The following WDR33 variants were observed in gnomAD, a reference collection of about 807,000 sequenced individuals.
WDR33 encodes the protein WD repeat domain 33.
WDR33 carries 47 observed loss-of-function variants against 164.9 expected under a neutral mutation model. The observed-to-expected ratio is 0.29, with a 90% confidence interval of 0.23 to 0.36. The LOEUF is 0.36. Ranked by LOEUF, WDR33 falls within the 10% of genes least tolerant of loss-of-function variation. The pLI is 1.00. For missense variants in WDR33, 1,137 were observed against 1,754.1 expected (o/e 0.65, Z 6.28); for synonymous variants, 505 against 589.0 (o/e 0.86, Z 2.06).
chr2:127,807,533 T>C (rs1172256757), intron 1 of WDR33, among the ~76,000 whole-genome samples: 2 of 152,040 alleles, frequency 1.3e-5, no homozygotes, highest in East Asian at 3.8e-4. Flanking sequence ...CAGAAGGCAG[T>C]CACACAGACA....
At chr2:127,804,950 T>C (rs954657113) in intron 1 of WDR33, among the ~76,000 whole-genome samples, 5 of 152,246 alleles carry the variant, frequency 3.3e-5, no homozygotes, top group South Asian at 2.1e-4. Flanking sequence ...CCAGGTAAAT[T>C]TGGCATTGTA....
chr2:127,767,134 T>A (rs1687846991), intron 4 of WDR33, among the ~76,000 whole-genome samples: 1 of 152,136 alleles, frequency 6.6e-6, no homozygotes. Flanking sequence ...GACATCTCTC[T>A]CCCAGGACTT....
At position 127,722,997 on chromosome 2, in the gene WDR33, G is replaced by T; in HGVS notation, c.1339C>A (p.Pro447Thr). 1 of 1,612,578 alleles carries T rather than the reference G, an allele frequency of 6.2e-7. No homozygotes were observed. The highest frequency in any genetic ancestry group is 8.5e-7 in the Non-Finnish European group (1 of 1,179,460). Residue 447 changes from proline to threonine, a missense_variant, in exon 13 of 22, where the codon CCA (proline) becomes ACA (threonine). Coordinates refer to ENST00000322313, the MANE Select transcript of WDR33 (RefSeq NM_018383.5). This position sits in a 1 kb window ranked among gnomAD's most constrained non-coding sequence, Gnocchi z 5.1. ...SLAVIPGMGI[P>T]EQLKLAMEQE... ...TCCATAGCTAATTTTAGTTGTTCTG[G>T]TATTCCCATTCCTGGAATTACTGCC...
chr2:127,795,102 C>CTT (rs552910693), intron 1 of WDR33, among the ~76,000 whole-genome samples: 9 of 131,134 alleles, frequency 6.9e-5, no homozygotes, highest in Admixed American at 7.8e-5. Context: ...AATAACTTCT[C>CTT]TTTTTTTTTT....
chr2:127,801,104 G>GA (rs36096560), intron 1 of WDR33, among the ~76,000 whole-genome samples: 51,706 of 137,076 alleles, frequency 0.38, 9,644 homozygotes, highest in Middle Eastern at 0.49. Context: ...CTGTCTCTAG[G>GA]AAAAAAAAAA....
chr2:127,778,015 C>T (rs1185209562), intron 1 of WDR33, among the ~76,000 whole-genome samples: 5 of 152,086 alleles, frequency 3.3e-5, no homozygotes, highest in Non-Finnish European at 2.9e-5. Context: ...AAAAATGAGC[C>T]GGGTGTGGTG....
chr2:127,807,875 G>A (rs1294148259), intron 1 of WDR33, among the ~76,000 whole-genome samples: 2 of 152,212 alleles, frequency 1.3e-5, no homozygotes, highest in African/African-American at 4.8e-5. Context: ...TGAAGTGGGA[G>A]GATCGCTTGA....
intron 7 of WDR33, 159 bp downstream of exon 7, chr2:127,762,903 G>A: frequency 7.0e-7 from 1 of 1,425,354 alleles, no homozygotes; most frequent in Non-Finnish European, 9.2e-7. Context: ...ATGACTGTGA[G>A]TCAGAGAAAG....
At position 127,726,987 on chromosome 2, in the gene WDR33, C is replaced by T. The variant is rs72968941; in HGVS notation, c.725-210G>A. On this transcript the variant is annotated intron_variant, in intron 7 of 21. Transcript: ENST00000322313. The surrounding 1 kb of genome is among the most constrained non-coding windows in gnomAD (Gnocchi z 4.8). ...ATGTCAAGACACACAGGAGCCAGTCCTCTCCTGGACCCAAGTGCATCTTCT... is the reference window on the plus strand; with the variant it reads ...ATGTCAAGACACACAGGAGCCAGTCTTCTCCTGGACCCAAGTGCATCTTCT... Among the ~76,000 whole-genome samples, 9,415 of 152,156 alleles carry T rather than the reference C, an allele frequency of 0.062. 584 individuals are homozygous for T. Among genetic ancestry groups the T allele is most frequent in the African/African-American group, 0.16 (6,633 of 41,478 alleles).
In WDR33 at chr2:127,723,250, C is replaced by T; in HGVS notation, c.1291+3G>A. 1 of 1,612,328 alleles carries T rather than the reference C, an allele frequency of 6.2e-7. No homozygotes were observed. On this transcript the variant is annotated splice_donor_region_variant and intron_variant, in intron 12 of 21. Transcript: ENST00000322313. The surrounding 1 kb of genome is among the most constrained non-coding windows in gnomAD (Gnocchi z 5.9). Reference sequence around the variant, plus strand: ...AAGAAGGACAGATGTGCAAGAGTCTCACCATATTCTACTCCATCTTCAGAC... The same window carrying T: ...AAGAAGGACAGATGTGCAAGAGTCTTACCATATTCTACTCCATCTTCAGAC...
Position 127,735,907 on chromosome 2 carries a change from T to C in WDR33, c.725-9130A>G. 1.0e-6 allele frequency: 1 copy of C among 985,474 alleles called. No homozygotes were observed. Among genetic ancestry groups the C allele is most frequent in the Non-Finnish European group, 1.2e-6 (1 of 829,944 alleles). 61.0% of individuals were successfully genotyped at this position (985,474 alleles called of 1,614,324 possible). ...ATCTTTGTTGTCCAGTCTAGAAAGT[T>C]ACATCAGTGAAAAACTATAGAATTA... On this transcript the variant is annotated intron_variant, in intron 7 of 21. Coordinates refer to ENST00000322313, the MANE Select transcript of WDR33 (RefSeq NM_018383.5). This position sits in a 1 kb window ranked among gnomAD's most constrained non-coding sequence, Gnocchi z 4.3.
At chr2:127,788,478 A>G (rs867255049) in intron 1 of WDR33, among the ~76,000 whole-genome samples, 2 of 27,206 alleles carry the variant, frequency 7.4e-5, no homozygotes, top group Admixed American at 8.4e-4. Flanking sequence ...GGGGGCTGAC[A>G]CCCCCACCTC....
intron 1 of WDR33, among the ~76,000 whole-genome samples, chr2:127,800,766 T>G (rs2104678415): frequency 6.6e-6 from 1 of 151,904 alleles, no homozygotes; most frequent in East Asian, 1.9e-4. Flanking sequence ...TGGCCCTGAG[T>G]TTTAATTTAA....
At chr2:127,744,304 T>C (rs1420139913) in intron 7 of WDR33, among the ~76,000 whole-genome samples, 2 of 152,188 alleles carry the variant, frequency 1.3e-5, no homozygotes, top group African/African-American at 4.8e-5. Flanking sequence ...ATTAGGAAGC[T>C]TAGTGCACAA....
intron 7 of WDR33, among the ~76,000 whole-genome samples, chr2:127,732,299 C>G (rs973056343): frequency 1.3e-5 from 2 of 151,122 alleles, no homozygotes; most frequent in African/African-American, 4.9e-5. Context: ...TACTCTTGAA[C>G]TTTTTTCTTT....
At chr2:127,733,402 G>A (rs1686759941) in intron 7 of WDR33, among the ~76,000 whole-genome samples, 1 of 152,140 alleles carries the variant, frequency 6.6e-6, no homozygotes, top group East Asian at 1.9e-4. Flanking sequence ...TCAGCAGTAC[G>A]ACTTGGACTT....
In WDR33 at chr2:127,735,254, C is replaced by CTCACCCCTCCTCCACCTGA. The variant is rs1333036845; in HGVS notation, c.725-8496_725-8478dup. The CTCACCCCTCCTCCACCTGA allele has an allele frequency of 2.9e-5, 13 of 445,248 alleles. No homozygotes were observed. Among genetic ancestry groups the CTCACCCCTCCTCCACCTGA allele is most frequent in the Non-Finnish European group, 3.6e-5 (12 of 336,572 alleles). 27.6% of individuals were successfully genotyped at this position (445,248 alleles called of 1,614,324 possible). The stretch of plus-strand genomic sequence containing the variant: ...GTGCCCTGTGCATTTTTCTCAGGCC[C>CTCACCCCTCCTCCACCTGA]TCACCCCTCCTCCACCTGATCACCC... On this transcript the variant is annotated intron_variant, in intron 7 of 21. Coordinates refer to ENST00000322313, the MANE Select transcript of WDR33 (RefSeq NM_018383.5). The surrounding 1 kb of genome is among the most constrained non-coding windows in gnomAD (Gnocchi z 4.3).
At chr2:127,743,113 C>T (rs75980610) in intron 7 of WDR33, among the ~76,000 whole-genome samples, 2 of 151,888 alleles carry the variant, frequency 1.3e-5, no homozygotes, top group South Asian at 2.1e-4. Flanking sequence ...ACCTCCTAAG[C>T]GCTATTTCTG....
intron 1 of WDR33, among the ~76,000 whole-genome samples, chr2:127,800,269 G>A (rs920679123): frequency 4.6e-5 from 7 of 152,114 alleles, no homozygotes; most frequent in Admixed American, 3.9e-4. Context: ...TCCATCAACT[G>A]AATCATAAAA....
Sources: allele counts gnomAD v4.1 joint callset (sites outside exome capture counted in the v4.1 genomes callset), GRCh38; gene constraint gnomAD v4.1.1; non-coding constraint Gnocchi (gnomAD v3.1); transcripts MANE v1.5; gene names NCBI Gene and HGNC (gene_info 2026-07-23, HGNC 2026-07-21).